Variants in FANK1 observed in about 807,000 individuals in gnomAD.
FANK1 encodes fibronectin type III and ankyrin repeat domains 1, also known as fibronectin type 3 and ankyrin repeat domains protein 1.
FANK1 carries 44 observed loss-of-function variants against 45.3 expected under a neutral mutation model. That is an observed-to-expected ratio of 0.97 (90% confidence interval 0.76 to 1.25). The LOEUF (loss-of-function observed/expected upper bound fraction) is 1.25, where lower values mean the gene tolerates loss of function less well. Ranked by LOEUF, FANK1 falls within the 50% of genes most tolerant of loss-of-function variation. The pLI, the probability that FANK1 is intolerant of heterozygous loss-of-function variation, is 0.00. For synonymous variants in FANK1, 149 were observed against 152.5 expected (o/e 0.98, Z 0.17); for missense variants, 391 against 424.4 (o/e 0.92, Z 0.69).
At chr10:125,937,739 T>C (rs1948193379) in intron 1 of FANK1, among the ~76,000 whole-genome samples, 1 of 152,120 alleles carries the variant, frequency 6.6e-6, no homozygotes, top group Admixed American at 6.5e-5. Context: ...ATTTATAGTA[T>C]ATAGGTTTTG....
intron 1 of FANK1, among the ~76,000 whole-genome samples, chr10:125,947,265 A>G (rs1161851150): frequency 6.8e-4 from 100 of 147,232 alleles, no homozygotes; most frequent in South Asian, 2.2e-3. Context: ...ACATAACAAT[A>G]TTAACTTTAA....
At chr10:125,950,772 T>G (rs1344604327) in intron 1 of FANK1, among the ~76,000 whole-genome samples, 1 of 150,204 alleles carries the variant, frequency 6.7e-6, no homozygotes, top group Non-Finnish European at 1.5e-5. Flanking sequence ...TAAATCATGC[T>G]GCTATAAAGA....
At chr10:125,926,616 G>T (rs78667710) in intron 1 of FANK1, among the ~76,000 whole-genome samples, 1 of 144,050 alleles carries the variant, frequency 6.9e-6, no homozygotes, top group African/African-American at 2.5e-5. Flanking sequence ...AAGTTGTTTT[G>T]ATATATTTTA....
At chr10:125,975,979 A>C (rs1327159413) in intron 1 of FANK1, among the ~76,000 whole-genome samples, 1 of 152,010 alleles carries the variant, frequency 6.6e-6, no homozygotes, top group Non-Finnish European at 1.5e-5. Flanking sequence ...TTTCCTTTCT[A>C]TATTTACTGT....
At chr10:125,898,021 A>AAGC (rs1227356802) in intron 1 of FANK1, among the ~76,000 whole-genome samples, 1 of 130,860 alleles carries the variant, frequency 7.6e-6, no homozygotes, top group African/African-American at 3.0e-5. Context: ...AAAAAAAAAA[A>AAGC]AAAAAAAAAA....
chr10:125,983,371 C>G lies in FANK1; in HGVS notation c.191+3033C>G, dbSNP rs562507730. Among the ~76,000 whole-genome samples, 3 of 152,104 alleles carry G rather than the reference C, an allele frequency of 2.0e-5. No individual in the cohort carries two copies. The highest frequency in any genetic ancestry group is 4.4e-5 in the Non-Finnish European group (3 of 68,026). On this transcript the variant is annotated intron_variant, in intron 2 of 10. Transcript: ENST00000368693. The surrounding 1 kb of genome is among the most constrained non-coding windows in gnomAD (Gnocchi z 4.3). ...AGTGTCTGCCGTGTGTCAGACACTG[C>G]TCCGGATGCTGGGGATACGGCACTG...
intron 7 of FANK1, among the ~76,000 whole-genome samples, chr10:126,006,699 A>G (rs1356641388): frequency 1.3e-5 from 2 of 152,190 alleles, no homozygotes; most frequent in Non-Finnish European, 2.9e-5. Context: ...GTCTCTACTA[A>G]AAATACAAAA....
chr10:125,948,775 A>G (rs1948994618), intron 1 of FANK1, among the ~76,000 whole-genome samples: 1 of 151,352 alleles, frequency 6.6e-6, no homozygotes, highest in Non-Finnish European at 1.5e-5. Flanking sequence ...TTATGAGGCC[A>G]GCATCATTCT....
Position 125,971,869 on chromosome 10 carries a change from A to G in FANK1, c.14-8292A>G, listed in dbSNP as rs546447112. Among the ~76,000 whole-genome samples the G allele has an allele frequency of 1.4e-4, 21 of 152,182 alleles. No homozygotes were observed. The South Asian group carries it at 3.5e-3, about 26-fold the overall frequency. On this transcript the variant is annotated intron_variant, in intron 1 of 10. Transcript: ENST00000368693. The stretch of plus-strand genomic sequence containing the variant: ...GATCTCGTGACTTTGTGATTCGTCC[A>G]CCTTGGCCTCCGAAAGTAAAGTGCT...
intron 1 of FANK1, among the ~76,000 whole-genome samples, chr10:125,944,134 T>C (rs1259899069): frequency 1.3e-5 from 2 of 152,252 alleles, no homozygotes; most frequent in Non-Finnish European, 2.9e-5. Flanking sequence ...GTTGGTTTGC[T>C]GTAGAACATG....
chr10:125,906,544 A>AAAAAAAAAAAAAAAAT, intron 1 of FANK1, among the ~76,000 whole-genome samples: 5 of 146,988 alleles, frequency 3.4e-5, no homozygotes, highest in South Asian at 2.2e-4. Context: ...AAAAAAAAAA[A>AAAAAAAAAAAAAAAAT]TTCTTACCTC....
intron 1 of FANK1, among the ~76,000 whole-genome samples, chr10:125,942,991 T>G (rs1212218247): frequency 6.6e-6 from 1 of 152,074 alleles, no homozygotes; most frequent in Non-Finnish European, 1.5e-5. Context: ...TTTTTGTATT[T>G]TTAATAGAGA....
intron 1 of FANK1, among the ~76,000 whole-genome samples, chr10:125,897,994 A>G: frequency 8.4e-6 from 1 of 119,122 alleles, no homozygotes; most frequent in South Asian, 2.9e-4. Flanking sequence ...TCTCTACTAA[A>G]ATACAAAAAA....
intron 1 of FANK1, among the ~76,000 whole-genome samples, chr10:125,949,440 T>C (rs926291260): frequency 1.3e-5 from 2 of 152,180 alleles, no homozygotes; most frequent in African/African-American, 2.4e-5. Flanking sequence ...ACAAAATCAA[T>C]GTACAAAAAT....
rs1010991062 is a variant in FANK1, at chr10:125,970,595, T to C, written c.14-9566T>C. ...CGGGAGGCCGAGGTGGGCAGATCAC[T>C]CGAGGTCAGGAGCTGGAGACCAGCC... On this transcript the variant is annotated intron_variant, in intron 1 of 10. Transcript: ENST00000368693. Among the ~76,000 whole-genome samples, 23 of 152,246 alleles carry C rather than the reference T, an allele frequency of 1.5e-4. 1 individual carries two copies. The highest frequency in any genetic ancestry group is 1.0e-3 in the Admixed American group (16 of 15,304).
chr10:125,936,301 T>G (rs576409370), intron 1 of FANK1, among the ~76,000 whole-genome samples: 1 of 152,264 alleles, frequency 6.6e-6, no homozygotes, highest in Non-Finnish European at 1.5e-5. Context: ...GTCCTTTTTT[T>G]CATTCCTTAA....
intron 1 of FANK1, among the ~76,000 whole-genome samples, chr10:125,928,678 G>A (rs1947547925): frequency 1.3e-5 from 2 of 152,148 alleles, no homozygotes; most frequent in African/African-American, 4.8e-5. Flanking sequence ...ATCTCATGGT[G>A]TTTGTAATGT....
intron 6 of FANK1, among the ~76,000 whole-genome samples, chr10:126,001,029 A>G (rs1316077452): frequency 6.6e-6 from 1 of 152,240 alleles, no homozygotes; most frequent in African/African-American, 2.4e-5. Flanking sequence ...AATATAGTTG[A>G]TAGAAATGTG....
At chr10:125,922,624 C>T (rs1332177430) in intron 1 of FANK1, among the ~76,000 whole-genome samples, 2 of 152,192 alleles carry the variant, frequency 1.3e-5, no homozygotes, top group African/African-American at 4.8e-5. Context: ...TCAAGTGATC[C>T]TCCCACCTCA....
Sources: allele counts gnomAD v4.1 joint callset (sites outside exome capture counted in the v4.1 genomes callset), GRCh38; gene constraint gnomAD v4.1.1; non-coding constraint Gnocchi (gnomAD v3.1); transcripts MANE v1.5; gene names NCBI Gene and HGNC (gene_info 2026-07-23, HGNC 2026-07-21).